Variants in NCK2 observed in about 807,000 individuals in gnomAD.
NCK2 encodes the protein cytoplasmic protein NCK2.
NCK2 carries 16 observed loss-of-function variants against 33.9 expected under a neutral mutation model. That is an observed-to-expected ratio of 0.47 (90% CI 0.32 to 0.72). The LOEUF is 0.72. Among genes scored for constraint, NCK2 ranks in the 30% least tolerant of loss-of-function variants. The probability of loss-of-function intolerance (pLI) is 0.03; values close to 1 mark genes in which losing one functional copy is unlikely to be tolerated. For synonymous variants in NCK2, 273 were observed against 239.9 expected, an observed-to-expected ratio of 1.14 and a Z score of -1.27; for missense variants, 418 against 537.3, an observed-to-expected ratio of 0.78 and a Z score of 2.19.
At chr2:105,816,683 A>T (rs904139916) in intron 2 of NCK2, 70 bp downstream of exon 2, 3 of 152,234 alleles carry the variant, frequency 2.0e-5, no homozygotes, top group Non-Finnish European at 2.9e-5. Flanking sequence ...TTTGGACAGT[A>T]AGTTTAGTAA....
At chr2:105,849,529 A>G (rs1220967180) in intron 2 of NCK2, among the ~76,000 whole-genome samples, 5 of 152,128 alleles carry the variant, frequency 3.3e-5, no homozygotes, top group South Asian at 4.1e-4. Flanking sequence ...TTCCCATTAA[A>G]CCAGGTGGCT....
intron 1 of NCK2, among the ~76,000 whole-genome samples, chr2:105,806,045 G>A (rs891921342): frequency 2.6e-5 from 4 of 151,730 alleles, no homozygotes; most frequent in African/African-American, 9.7e-5. Flanking sequence ...GTGTGCCTGC[G>A]TTTTGACTGT....
chr2:105,758,211 G>A (rs1689654032), intron 1 of NCK2, among the ~76,000 whole-genome samples: 1 of 151,976 alleles, frequency 6.6e-6, no homozygotes, highest in Non-Finnish European at 1.5e-5. Flanking sequence ...ATGGCATAAA[G>A]CCATTATGCC....
At chr2:105,817,190 A>AAC (rs397694985) in intron 2 of NCK2, among the ~76,000 whole-genome samples, 4 of 150,536 alleles carry the variant, frequency 2.7e-5, no homozygotes, top group Admixed American at 6.6e-5. Context: ...AAAAAAAAAA[A>AAC]CCTACATCAA....
At chr2:105,775,233 GA>G (rs1690263562) in intron 1 of NCK2, among the ~76,000 whole-genome samples, 1 of 152,148 alleles carries the variant, frequency 6.6e-6, no homozygotes, top group South Asian at 2.1e-4. Context: ...CCTAATCAAT[GA>G]GAATTTGCCT....
chr2:105,847,931 T>C (rs565697619), intron 2 of NCK2, among the ~76,000 whole-genome samples: 12 of 152,264 alleles, frequency 7.9e-5, no homozygotes, highest in African/African-American at 2.4e-4. Flanking sequence ...CCAAGACTTA[T>C]TGGGATCTCT....
intron 1 of NCK2, among the ~76,000 whole-genome samples, chr2:105,755,433 T>C (rs1689572847): frequency 6.6e-6 from 1 of 152,182 alleles, no homozygotes; most frequent in Non-Finnish European, 1.5e-5. Context: ...GAGCACCTCA[T>C]CCCTCAGCCA....
At chr2:105,835,408 T>TATATATATATATATATATATATATACAC (rs1553458610) in intron 2 of NCK2, among the ~76,000 whole-genome samples, 1 of 41,270 alleles carries the variant, frequency 2.4e-5, no homozygotes, top group Admixed American at 2.8e-4. Context: ...TATATATACG[T>TATATATATATATATATATATATATACAC]GTATATATAT....
chr2:105,753,339 C>A (rs1374026055), intron 1 of NCK2, among the ~76,000 whole-genome samples: 1 of 152,178 alleles, frequency 6.6e-6, no homozygotes, highest in Admixed American at 6.5e-5. Context: ...ATTGGCCTGG[C>A]TGCTCCTCTC....
chr2:105,865,742 A>G (rs1361882020), intron 3 of NCK2, among the ~76,000 whole-genome samples: 1 of 152,140 alleles, frequency 6.6e-6, no homozygotes, highest in Admixed American at 6.5e-5. Flanking sequence ...TTGTCAGCAC[A>G]CATGTGCCGC....
At chr2:105,867,001 C>A (rs1481058024) in intron 3 of NCK2, among the ~76,000 whole-genome samples, 1 of 152,128 alleles carries the variant, frequency 6.6e-6, no homozygotes, top group African/African-American at 2.4e-5. Context: ...GAGAAAATTC[C>A]TGTTAATCAT....
At chr2:105,757,374 A>C (rs1011445748) in intron 1 of NCK2, among the ~76,000 whole-genome samples, 3 of 151,982 alleles carry the variant, frequency 2.0e-5, no homozygotes, top group Non-Finnish European at 4.4e-5. Flanking sequence ...TTTTTTCTTC[A>C]AAGTGGCATG....
At chr2:105,772,550 C>T (rs1009464464) in intron 1 of NCK2, among the ~76,000 whole-genome samples, 2 of 152,066 alleles carry the variant, frequency 1.3e-5, no homozygotes, top group Admixed American at 1.3e-4. Flanking sequence ...TGGGGTCAGC[C>T]GCATGTTACT....
intron 2 of NCK2, among the ~76,000 whole-genome samples, chr2:105,830,717 T>G (rs62152230): frequency 0.029 from 2,822 of 97,518 alleles, 59 homozygotes; most frequent in Middle Eastern, 0.037. Flanking sequence ...GTGTGTGTGT[T>G]TGGTCTGATA....
At chr2:105,821,207 G>A (rs1675721648) in intron 2 of NCK2, among the ~76,000 whole-genome samples, 1 of 152,194 alleles carries the variant, frequency 6.6e-6, no homozygotes, top group African/African-American at 2.4e-5. Context: ...ATCATATCCT[G>A]GTTGTTTGGT....
At chr2:105,790,079 A>G (rs1471519313) in intron 1 of NCK2, among the ~76,000 whole-genome samples, 1 of 152,222 alleles carries the variant, frequency 6.6e-6, no homozygotes, top group African/African-American at 2.4e-5. Flanking sequence ...ACTTTGTGGA[A>G]TGTTACTTCC....
At chr2:105,823,319 T>C (rs996753272) in intron 2 of NCK2, among the ~76,000 whole-genome samples, 1 of 151,872 alleles carries the variant, frequency 6.6e-6, no homozygotes, top group Non-Finnish European at 1.5e-5. Context: ...AGAAGTGTCA[T>C]TCAAGTTGGG....
chr2:105,785,275 C>T (rs936273933), intron 1 of NCK2, among the ~76,000 whole-genome samples: 7 of 152,198 alleles, frequency 4.6e-5, no homozygotes, highest in African/African-American at 1.7e-4. Context: ...GCAGTTGGTT[C>T]TTTACGGTGT....
Position 105,773,601 on chromosome 2 carries a change from T to C in NCK2, c.-201+28463T>C, listed in dbSNP as rs115879947. Among the ~76,000 whole-genome samples the C allele has an allele frequency of 5.2e-3, 786 of 152,222 alleles. 12 individuals carry two copies. Among genetic ancestry groups the C allele is most frequent in the African/African-American group, 0.018 (762 of 41,558 alleles). ...TCTGTCAGCACCCAATACCATAGTA[T>C]CCCTTTGACACTATGGTTCATTTCT... On this transcript the variant is annotated intron_variant, in intron 1 of 4. Coordinates refer to ENST00000233154, the MANE Select transcript of NCK2 (RefSeq NM_003581.5).
Sources: gnomAD v4.1 joint callset for allele counts (sites outside exome capture counted in the v4.1 genomes callset) on GRCh38, gnomAD v4.1.1 for gene constraint, MANE v1.5 for transcripts, NCBI Gene and HGNC (gene_info 2026-07-23, HGNC 2026-07-21) for gene names.